The following TMEM268 variants were observed in gnomAD, a reference collection of about 807,000 sequenced individuals.
TMEM268 encodes the protein transmembrane protein 268.
Under a neutral mutation model 39.1 loss-of-function variants are expected in TMEM268, and 24 were observed. The observed-to-expected ratio is 0.61, with a 90% CI of 0.44 to 0.86. TMEM268 has a LOEUF of 0.86. Ranked by LOEUF, TMEM268 falls within the 40% of genes least tolerant of loss-of-function variation. The probability of loss-of-function intolerance (pLI) is 0.00; values close to 1 mark genes in which losing one functional copy is unlikely to be tolerated. For synonymous variants in TMEM268, 176 were observed against 173.5 expected (o/e 1.01, Z -0.12); for missense variants, 409 against 428.6 (o/e 0.95, Z 0.40).
rs1438712175 is a variant in TMEM268, at chr9:114,643,149, C to T, written c.865C>T (p.Leu289=). 1.2e-6 allele frequency: 2 copies of T among 1,614,052 alleles called. No homozygotes were observed. The highest frequency in any genetic ancestry group is 2.7e-5 in the African/African-American group (2 of 74,930). Residue 289 remains leucine, a synonymous_variant, in exon 9 of 9, where the codon CTG becomes TTG. Transcript: ENST00000288502. ...EAEPEEMARQ[L]LAVFGGYYIR... is the part of the protein sequence containing the mutation. Reference sequence around the variant, plus strand: ...CCTCTTCTAGGAAATGGCCCGCCAGCTGCTGGCAGTGTTTGGCGGCTACTA... The same window carrying T: ...CCTCTTCTAGGAAATGGCCCGCCAGTTGCTGGCAGTGTTTGGCGGCTACTA...
intron 5 of TMEM268, among the ~76,000 whole-genome samples, chr9:114,632,996 T>C (rs576710781): frequency 1.3e-5 from 2 of 152,284 alleles, no homozygotes; most frequent in South Asian, 4.1e-4. Flanking sequence ...CATTTTATTT[T>C]TCTTCCCTTA....
chr9:114,640,301 A>C (rs947961861), intron 8 of TMEM268, among the ~76,000 whole-genome samples: 8 of 152,198 alleles, frequency 5.3e-5, no homozygotes, highest in African/African-American at 1.9e-4. Flanking sequence ...TTTTTAAAGT[A>C]GCTGCCCTTA....
chr9:114,633,621 T>G, intron 5 of TMEM268, 147 bp from the exon 6 acceptor site: 13 of 445,386 alleles, frequency 2.9e-5, no homozygotes, highest in Admixed American at 8.2e-5. Context: ...CCCCCGACCA[T>G]TTAATAGGGG....
chr9:114,614,671 G>T (rs1168188200), intron 1 of TMEM268, among the ~76,000 whole-genome samples: 5 of 152,174 alleles, frequency 3.3e-5, no homozygotes, highest in Non-Finnish European at 4.4e-5. Context: ...TAGAACCATG[G>T]CAGCAAAAGA....
chr9:114,607,644 G>A (rs1845384217), upstream of TMEM268, among the ~76,000 whole-genome samples: 1 of 152,124 alleles, frequency 6.6e-6, no homozygotes, highest in Non-Finnish European at 1.5e-5. Flanking sequence ...GACAGAGTGA[G>A]ACCCTGTCTC....
upstream of TMEM268, among the ~76,000 whole-genome samples, chr9:114,606,379 A>G (rs182983112): frequency 1.4e-4 from 22 of 152,290 alleles, no homozygotes; most frequent in East Asian, 3.9e-4. Context: ...AAGCACAGCT[A>G]TGTATTTAGT....
chr9:114,634,679 T>A (rs1364103972), intron 6 of TMEM268, among the ~76,000 whole-genome samples: 1 of 152,116 alleles, frequency 6.6e-6, no homozygotes, highest in Non-Finnish European at 1.5e-5. Flanking sequence ...GAGGTAGGTG[T>A]GCACGGGGGA....
At chr9:114,637,144 T>C in intron 7 of TMEM268, 74 bp downstream of exon 7, 1 of 991,794 alleles carries the variant, frequency 1.0e-6, no homozygotes. Context: ...ATCTTAAGGG[T>C]GGGAAAATGT....
At chr9:114,606,402 C>T (rs955804100), upstream of TMEM268, among the ~76,000 whole-genome samples, 8 of 152,216 alleles carry the variant, frequency 5.3e-5, no homozygotes, top group Admixed American at 1.3e-4. Context: ...CAAGCTCTCA[C>T]GTACAGTTAG....
At chr9:114,612,650 T>C (rs1482377930) in intron 1 of TMEM268, among the ~76,000 whole-genome samples, 1 of 152,178 alleles carries the variant, frequency 6.6e-6, no homozygotes, top group Non-Finnish European at 1.5e-5. Flanking sequence ...TCCATATCCC[T>C]TTCTGCTTGG....
At chr9:114,604,192 C>G in the TMEM268 span, among the ~76,000 whole-genome samples, 1 of 152,048 alleles carries the variant, frequency 6.6e-6, no homozygotes, top group Non-Finnish European at 1.5e-5. Context: ...TCTTACCCAT[C>G]TGATTCTTTT....
chr9:114,610,452 C>T (rs1845450832), upstream of TMEM268, among the ~76,000 whole-genome samples: 1 of 152,194 alleles, frequency 6.6e-6, no homozygotes, highest in Non-Finnish European at 1.5e-5. Context: ...GCGTTCTGGC[C>T]GATGAGCGCC....
intron 1 of TMEM268, chr9:114,615,439 TAAA>T (rs1363307692): frequency 2.6e-5 from 4 of 152,428 alleles, no homozygotes; most frequent in African/African-American, 4.8e-5. Context: ...AGAGCTGGCT[TAAA>T]AACATTTCTT....
intron 2 of TMEM268, among the ~76,000 whole-genome samples, chr9:114,619,385 G>A (rs942644918): frequency 1.3e-5 from 2 of 152,150 alleles, no homozygotes; most frequent in African/African-American, 4.8e-5. Context: ...ATTTTTAAGC[G>A]GAGGACTTGC....
chr9:114,611,379 T>TCGGGGTTGGGCGACCGAG lies in TMEM268; in HGVS notation c.-258_-241dup, dbSNP rs1845474456. 6.6e-6 allele frequency: 1 copy of TCGGGGTTGGGCGACCGAG among 151,700 alleles called. No individual in the cohort carries two copies. The highest frequency in any genetic ancestry group is 6.6e-5 in the Admixed American group (1 of 15,170). The allele number at this position is 151,700 out of a possible 1,614,324, so 9.4% of individuals were successfully genotyped here. On this transcript the variant is annotated 5_prime_UTR_variant, in exon 1 of 9. Transcript: ENST00000288502. ...CAAAGCGAGTCCGGCGGGCGGCTCCTCGGGGTTGGGCGACCGAGCGGGGCC... is the reference window on the plus strand; with the variant it reads ...CAAAGCGAGTCCGGCGGGCGGCTCCTCGGGGTTGGGCGACCGAGCGGGGTTGGGCGACCGAGCGGGGCC...
intron 5 of TMEM268, among the ~76,000 whole-genome samples, chr9:114,630,979 G>C (rs1846369005): frequency 6.6e-6 from 1 of 152,126 alleles, no homozygotes; most frequent in Admixed American, 6.5e-5. Context: ...TGGCATAACT[G>C]TCTTGTTTTC....
intron 8 of TMEM268, among the ~76,000 whole-genome samples, chr9:114,639,444 C>T (rs1197776991): frequency 2.0e-5 from 3 of 152,146 alleles, no homozygotes; most frequent in Non-Finnish European, 4.4e-5. Context: ...CCCCAGAGTT[C>T]TGTTGGGTCC....
At chr9:114,622,579 C>A in intron 2 of TMEM268, 1 of 894,782 alleles carries the variant, frequency 1.1e-6, no homozygotes, top group Non-Finnish European at 1.3e-6. Context: ...TCCAGCTGGT[C>A]TCATGGTCTG....
intron 3 of TMEM268, among the ~76,000 whole-genome samples, chr9:114,626,115 G>A (rs1424672280): frequency 6.6e-6 from 1 of 152,094 alleles, no homozygotes; most frequent in African/African-American, 2.4e-5. Context: ...GTGAGCCACC[G>A]TGCCTGGCAT....
Sources: allele counts gnomAD v4.1 joint callset (sites outside exome capture counted in the v4.1 genomes callset), GRCh38; gene constraint gnomAD v4.1.1; transcripts MANE v1.5; gene names NCBI Gene and HGNC (gene_info 2026-07-23, HGNC 2026-07-21).